The following LPAR3 variants were observed in gnomAD, a reference collection of about 807,000 sequenced individuals.
LPAR3 encodes the protein lysophosphatidic acid receptor 3, also known as LPA receptor 3.
LPAR3 carries 7 observed loss-of-function variants against 17.8 expected under a neutral mutation model. That is an observed-to-expected ratio of 0.39 (90% CI 0.22 to 0.74). The LOEUF is 0.74. LPAR3 is among the 30% of genes least tolerant of loss of function. The probability of loss-of-function intolerance (pLI) is 0.40; values close to 1 mark genes in which losing one functional copy is unlikely to be tolerated. For missense variants in LPAR3, 391 were observed against 453.4 expected (o/e 0.86, Z 1.25); for synonymous variants, 179 against 179.9 (o/e 0.99, Z 0.04).
At chr1:84,888,683 C>T (rs1314218548) in intron 1 of LPAR3, among the ~76,000 whole-genome samples, 2 of 152,144 alleles carry the variant, frequency 1.3e-5, no homozygotes, top group African/African-American at 2.4e-5. Context: ...TTATTTAGAC[C>T]GCATGTTTGC....
intron 2 of LPAR3, among the ~76,000 whole-genome samples, chr1:84,854,874 G>A (rs2102760527): frequency 6.6e-6 from 1 of 152,330 alleles, no homozygotes; most frequent in Middle Eastern, 3.4e-3. Context: ...GGAACTAGAA[G>A]GTCCAGAGCT....
intron 2 of LPAR3, among the ~76,000 whole-genome samples, chr1:84,863,938 G>A (rs1263296327): frequency 6.6e-6 from 1 of 152,150 alleles, no homozygotes; most frequent in Non-Finnish European, 1.5e-5. Flanking sequence ...CTGGCCAGGT[G>A]CAGTGGCTCA....
chr1:84,839,916 C>A (rs1465312861), intron 2 of LPAR3, among the ~76,000 whole-genome samples: 3 of 152,092 alleles, frequency 2.0e-5, no homozygotes, highest in Non-Finnish European at 2.9e-5. Context: ...CTGGCAAATA[C>A]AATTATATAA....
intron 2 of LPAR3, among the ~76,000 whole-genome samples, chr1:84,816,903 C>A (rs1235455254): frequency 6.6e-6 from 1 of 152,188 alleles, no homozygotes; most frequent in African/African-American, 2.4e-5. Context: ...TTGTGTGATC[C>A]TCTGCAATAG....
chr1:84,849,611 C>G (rs923475643), intron 2 of LPAR3, among the ~76,000 whole-genome samples: 2 of 152,064 alleles, frequency 1.3e-5, no homozygotes, highest in Non-Finnish European at 2.9e-5. Context: ...TGTAGAAACT[C>G]TAAGGGGAGT....
intron 1 of LPAR3, among the ~76,000 whole-genome samples, chr1:84,869,539 T>C (rs1379642838): frequency 6.6e-6 from 1 of 152,202 alleles, no homozygotes; most frequent in East Asian, 1.9e-4. Context: ...GCCCATGTCA[T>C]TGCTTTAATA....
chr1:84,830,924 T>C (rs1234526284), intron 2 of LPAR3, among the ~76,000 whole-genome samples: 2 of 152,116 alleles, frequency 1.3e-5, no homozygotes, highest in African/African-American at 4.8e-5. Context: ...CCAATTCTGT[T>C]CCCAAGCTTT....
At chr1:84,876,581 T>A (rs1660264155) in intron 1 of LPAR3, among the ~76,000 whole-genome samples, 1 of 152,142 alleles carries the variant, frequency 6.6e-6, no homozygotes, top group South Asian at 2.1e-4. Context: ...TGCTTCTAGC[T>A]CGGGGACACT....
intron 2 of LPAR3, among the ~76,000 whole-genome samples, chr1:84,845,913 C>A (rs1659588149): frequency 6.6e-6 from 1 of 152,132 alleles, no homozygotes; most frequent in Non-Finnish European, 1.5e-5. Context: ...TATATACAAA[C>A]AAGGTACACA....
chr1:84,814,046 C>G lies in LPAR3; in HGVS notation c.862G>C (p.Val288Leu), dbSNP rs58970370. ...TTGTAGGAGTAGATGATGGGGTTCA[C>G]GACGGAGTTGAGCAGCGCCAGCAGC... is the stretch of plus-strand genomic sequence containing the variant. ...FLLLALLNSV[V>L]NPIIYSYKDE... is the part of the protein sequence containing the mutation. The change falls in exon 3 of 3, where the codon GTG (valine) becomes CTG (leucine). Residue 288 changes from valine (V) to leucine (L), a missense_variant. By Grantham distance (32) the Val-to-Leu change is conservative. Coordinates refer to ENST00000370611, the MANE Select transcript of LPAR3 (RefSeq NM_012152.3). 18 of 1,613,966 alleles carry G rather than the reference C, an allele frequency of 1.1e-5. No individual in the cohort carries two copies. Among genetic ancestry groups the G allele is most frequent in the Non-Finnish European group, 1.5e-5 (18 of 1,180,024 alleles).
intron 2 of LPAR3, among the ~76,000 whole-genome samples, chr1:84,845,471 G>A (rs1659578595): frequency 6.6e-6 from 1 of 152,146 alleles, no homozygotes; most frequent in African/African-American, 2.4e-5. Flanking sequence ...CTCAGAGCAG[G>A]TAGGTATAAA....
chr1:84,875,945 G>A (rs1444290095), intron 1 of LPAR3, among the ~76,000 whole-genome samples: 1 of 152,090 alleles, frequency 6.6e-6, no homozygotes, highest in Non-Finnish European at 1.5e-5. Flanking sequence ...TCTTGCTTCT[G>A]GAGATCATAC....
chr1:84,817,187 T>C (rs1658949960), intron 2 of LPAR3, among the ~76,000 whole-genome samples: 1 of 151,880 alleles, frequency 6.6e-6, no homozygotes, highest in South Asian at 2.1e-4. Context: ...TCAAAAGACA[T>C]TCCTTTTAGT....
intron 2 of LPAR3, among the ~76,000 whole-genome samples, chr1:84,856,940 G>C (rs1028011523): frequency 6.6e-6 from 1 of 152,200 alleles, no homozygotes; most frequent in African/African-American, 2.4e-5. Flanking sequence ...AATTTCGTAG[G>C]GGAGAGGGTG....
At chr1:84,824,898 T>C (rs897301703) in intron 2 of LPAR3, among the ~76,000 whole-genome samples, 6 of 152,230 alleles carry the variant, frequency 3.9e-5, no homozygotes, top group African/African-American at 7.2e-5. Context: ...TTTTGTGCCT[T>C]ATTCAACTTA....
intron 2 of LPAR3, among the ~76,000 whole-genome samples, chr1:84,829,428 T>C (rs1411462183): frequency 6.6e-6 from 1 of 152,028 alleles, no homozygotes; most frequent in African/African-American, 2.4e-5. Flanking sequence ...TGCTGGAGTT[T>C]ATACAAACCC....
chr1:84,879,603 G>A (rs1306451611), intron 1 of LPAR3, among the ~76,000 whole-genome samples: 1 of 152,068 alleles, frequency 6.6e-6, no homozygotes. Flanking sequence ...GAGCCACCAC[G>A]CCCAGCCCAC....
chr1:84,836,338 T>A (rs1398488455), intron 2 of LPAR3, among the ~76,000 whole-genome samples: 8 of 129,084 alleles, frequency 6.2e-5, no homozygotes, highest in Non-Finnish European at 7.9e-5. Flanking sequence ...ATCCTGTCTT[T>A]AAAAAAAAAA....
In LPAR3 at chr1:84,878,366, C is replaced by G. The variant is rs566411722; in HGVS notation, c.-18-12228G>C. On this transcript the variant is annotated intron_variant, in intron 1 of 2. Coordinates refer to ENST00000370611, the MANE Select transcript of LPAR3 (RefSeq NM_012152.3). ...GTATTCCTGTCTCCTGTTTTTCCAC[C>G]ATTCTTGAATTGCAGACACTTCCAG... Among the ~76,000 whole-genome samples, 3 of 152,228 alleles carry G rather than the reference C, an allele frequency of 2.0e-5. No homozygotes were observed. The East Asian group carries it at 5.8e-4, about 29-fold the overall frequency.
Sources: allele counts gnomAD v4.1 joint callset (sites outside exome capture counted in the v4.1 genomes callset), GRCh38; gene constraint gnomAD v4.1.1; transcripts MANE v1.5; gene names NCBI Gene and HGNC (gene_info 2026-07-23, HGNC 2026-07-21).